The following ZFYVE28 variants were observed in gnomAD, a reference collection of about 807,000 sequenced individuals.
ZFYVE28 encodes lateral signaling target protein 2 homolog.
Under a neutral mutation model 82.1 loss-of-function variants are expected in ZFYVE28, and 40 were observed. The ratio of observed to expected loss-of-function variants is 0.49; its 90% CI spans 0.38 to 0.63. The LOEUF is 0.63. ZFYVE28 is among the 30% of genes least tolerant of loss of function. ZFYVE28 has a pLI of 0.00. For missense variants in ZFYVE28, 1,321 were observed against 1,242.1 expected, an observed-to-expected ratio of 1.06 and a Z score of -0.96; for synonymous variants, 612 against 546.1, an observed-to-expected ratio of 1.12 and a Z score of -1.68.
chr4:2,377,620 T>C (rs1399443744), intron 1 of ZFYVE28, among the ~76,000 whole-genome samples: 6 of 152,248 alleles, frequency 3.9e-5, no homozygotes, highest in Non-Finnish European at 8.8e-5. Context: ...CCCGCCGCAC[T>C]GTGGGCTCAT....
At position 2,305,095 on chromosome 4, in the gene ZFYVE28, C is replaced by G. The variant is rs1388930100; in HGVS notation, c.1245G>C (p.Arg415Ser). The change falls in exon 8 of 13, where the codon AGG becomes AGC. Residue 415 changes from arginine (R) to serine (S), a missense_variant. Coordinates refer to ENST00000290974, the MANE Select transcript of ZFYVE28 (RefSeq NM_020972.3). ...CAAATGGGCCAGCTGGGGACTCGGGCCTGGCCAGGGCTTCTGCCGTCCCCT... is the reference window on the plus strand; with the variant it reads ...CAAATGGGCCAGCTGGGGACTCGGGGCTGGCCAGGGCTTCTGCCGTCCCCT... ...DVEGTAEALA[R>S]PESPAGPFGW... 1.2e-6 allele frequency: 2 copies of G among 1,604,542 alleles called. No individual in the cohort carries two copies. The highest frequency in any genetic ancestry group is 1.7e-6 in the Non-Finnish European group (2 of 1,175,312).
chr4:2,386,683 C>A (rs764343779), intron 1 of ZFYVE28, among the ~76,000 whole-genome samples: 1 of 152,214 alleles, frequency 6.6e-6, no homozygotes, highest in Non-Finnish European at 1.5e-5. Context: ...GACAAGGAGG[C>A]CCTCACCAGA....
Position 2,337,611 on chromosome 4 carries a change from G to A in ZFYVE28, c.522-115C>T. On this transcript the variant is annotated intron_variant, in intron 4 of 12. Coordinates refer to ENST00000290974, the MANE Select transcript of ZFYVE28 (RefSeq NM_020972.3). ...CAATGCTGGGCAAGGTGGGGGCGGG[G>A]GGCCTCACGCCTGTAATCCCAGCAC... is the stretch of plus-strand genomic sequence containing the variant. The A allele has an allele frequency of 7.8e-6, 6 of 767,452 alleles. No individual in the cohort carries two copies. In the South Asian group the frequency reaches 8.0e-5, roughly 10 times the overall value. 47.5% of individuals were successfully genotyped at this position (767,452 alleles called of 1,614,324 possible). A position where few individuals can be genotyped will look rare whatever the true frequency, so the allele number is the denominator to read the frequency against.
intron 1 of ZFYVE28, among the ~76,000 whole-genome samples, chr4:2,357,955 G>T (rs1725582836): frequency 6.6e-6 from 1 of 152,188 alleles, no homozygotes. Flanking sequence ...GGAGGAGACG[G>T]CTCAGCCACA....
intron 6 of ZFYVE28, among the ~76,000 whole-genome samples, chr4:2,324,210 A>G (rs1407583906): frequency 1.1e-4 from 17 of 152,208 alleles, no homozygotes; most frequent in Non-Finnish European, 1.5e-5. Context: ...GGAGTCTGGA[A>G]GCCGGATTCC....
At chr4:2,295,941 G>A (rs1223737904) in intron 8 of ZFYVE28, 1 of 152,458 alleles carries the variant, frequency 6.6e-6, no homozygotes, top group Non-Finnish European at 1.5e-5. Flanking sequence ...TGATGGTGGG[G>A]AAGGATCAGG....
intron 8 of ZFYVE28, among the ~76,000 whole-genome samples, chr4:2,276,086 C>A (rs955351590): frequency 6.6e-6 from 1 of 152,270 alleles, no homozygotes; most frequent in Non-Finnish European, 1.5e-5. Context: ...TGACGTAAAC[C>A]CTGCAGAAGC....
chr4:2,359,709 T>C (rs1313320262), intron 1 of ZFYVE28, among the ~76,000 whole-genome samples: 1 of 152,212 alleles, frequency 6.6e-6, no homozygotes, highest in Non-Finnish European at 1.5e-5. Flanking sequence ...GAGTCCTTTG[T>C]TGCGGCCGCC....
chr4:2,329,364 CTT>C (rs1720340583), intron 6 of ZFYVE28, among the ~76,000 whole-genome samples: 1 of 152,154 alleles, frequency 6.6e-6, no homozygotes, highest in Non-Finnish European at 1.5e-5. Context: ...GCATTTTACT[CTT>C]TTGAATGTTA....
chr4:2,333,135 T>C (rs1720984182), intron 6 of ZFYVE28, among the ~76,000 whole-genome samples: 1 of 151,606 alleles, frequency 6.6e-6, no homozygotes, highest in African/African-American at 2.4e-5. Context: ...ACAAAGCCTC[T>C]GCCAACAGAA....
At chr4:2,281,165 T>C (rs896855201) in intron 8 of ZFYVE28, among the ~76,000 whole-genome samples, 5 of 151,954 alleles carry the variant, frequency 3.3e-5, no homozygotes, top group Non-Finnish European at 7.4e-5. Flanking sequence ...AGGGGCCCCA[T>C]ACAGAGATGT....
chr4:2,404,877 T>TTTC (rs1731682852), intron 1 of ZFYVE28, among the ~76,000 whole-genome samples: 3 of 149,126 alleles, frequency 2.0e-5, no homozygotes, highest in Non-Finnish European at 4.5e-5. Context: ...TTTTTTTTTT[T>TTTC]GAGAGAGGGT....
chr4:2,305,606 A>G (rs983764849), intron 7 of ZFYVE28, 70 bp from the exon 8 acceptor site: 20 of 1,578,058 alleles, frequency 1.3e-5, no homozygotes, highest in Non-Finnish European at 1.6e-5. Flanking sequence ...CCAGGAGTGG[A>G]CGCAGCACCC....
chr4:2,327,254 ATATATATAT>A (rs1719979849), intron 6 of ZFYVE28, among the ~76,000 whole-genome samples: 1 of 1,686 alleles, frequency 5.9e-4, no homozygotes, highest in Non-Finnish European at 5.2e-3. Context: ...CATCTCAAAT[ATATATATAT>A]ATATATATAT....
At chr4:2,369,919 C>T (rs576550849) in intron 1 of ZFYVE28, among the ~76,000 whole-genome samples, 2 of 141,894 alleles carry the variant, frequency 1.4e-5, no homozygotes, top group South Asian at 2.3e-4. Flanking sequence ...GGCGTGATCT[C>T]GGCTCACTGC....
At position 2,322,352 on chromosome 4, in the gene ZFYVE28, G is replaced by A. The variant is rs767865582; in HGVS notation, c.702-2081C>T. On this transcript the variant is annotated intron_variant, in intron 6 of 12. Transcript: ENST00000290974. The stretch of plus-strand genomic sequence containing the variant: ...CAGAAACGGTGGGTCCAATGCAGCC[G>A]CTGCCCATGGCTACAGCCCGACAGG... Among the ~76,000 whole-genome samples, 38 of 152,342 alleles carry A rather than the reference G, an allele frequency of 2.5e-4. 1 individual carries two copies. The highest frequency in any genetic ancestry group is 3.8e-4 in the Non-Finnish European group (26 of 68,032).
In ZFYVE28 at chr4:2,335,251, G is replaced by T. The variant is rs1467072707; in HGVS notation, c.701+454C>A. Among the ~76,000 whole-genome samples, 1 of 151,926 alleles carries T rather than the reference G, an allele frequency of 6.6e-6. No individual in the cohort carries two copies. Among genetic ancestry groups the T allele is most frequent in the Admixed American group, 6.5e-5 (1 of 15,274 alleles). ...CCCAATGTGCTTCACCTCCCTGCCA[G>T]CCCCCAAATTATTCAAACAAGCCAA... On this transcript the variant is annotated intron_variant, in intron 6 of 12. Coordinates refer to ENST00000290974, the MANE Select transcript of ZFYVE28 (RefSeq NM_020972.3). The surrounding 1 kb of genome is among the most constrained non-coding windows in gnomAD (Gnocchi z 5.8).
chr4:2,351,395 A>C (rs1724421617), intron 2 of ZFYVE28, among the ~76,000 whole-genome samples: 1 of 152,218 alleles, frequency 6.6e-6, no homozygotes, highest in Non-Finnish European at 1.5e-5. Context: ...TAGTATTTCC[A>C]TATAGGAGCA....
At chr4:2,324,126 G>A (rs1719515938) in intron 6 of ZFYVE28, among the ~76,000 whole-genome samples, 1 of 152,152 alleles carries the variant, frequency 6.6e-6, no homozygotes, top group Non-Finnish European at 1.5e-5. Flanking sequence ...ATTGTTTCAT[G>A]CAATTGTGGG....
Sources: allele counts gnomAD v4.1 joint callset (sites outside exome capture counted in the v4.1 genomes callset), GRCh38; gene constraint gnomAD v4.1.1; non-coding constraint Gnocchi (gnomAD v3.1); transcripts MANE v1.5; gene names NCBI Gene and HGNC (gene_info 2026-07-23, HGNC 2026-07-21).